Variants in LINC00632 observed in about 807,000 individuals in gnomAD.
LINC00632 encodes the protein long independently transcribed non-coding RNA 632.
chrX:140,764,677 T>A (rs1178555274), intron 3 of LINC00632: 1 of 111,971 alleles, frequency 8.9e-6, no homozygotes, highest in Non-Finnish European at 1.9e-5. Context: ...GGAGATTGCG[T>A]GGCTCGGAGC....
At chrX:140,710,906 G>T (rs763700003) in intron 1 of LINC00632, among the ~76,000 whole-genome samples, 1 of 111,214 alleles carries the variant, frequency 9.0e-6, no homozygotes, top group South Asian at 3.9e-4. Flanking sequence ...AAGGGAGGGG[G>T]TGTTGAACAG....
At chrX:140,783,992 T>G (rs1931977497) in exon 5 of LINC00632, 2 of 1,211,641 alleles carry the variant, frequency 1.7e-6, no homozygotes, top group African/African-American at 3.5e-5. Flanking sequence ...TATCCATGTC[T>G]TCCAGAAAAT....
At chrX:140,762,307 ACT>A (rs1931614377) in intron 3 of LINC00632, among the ~76,000 whole-genome samples, 1 of 108,794 alleles carries the variant, frequency 9.2e-6, no homozygotes, top group Non-Finnish European at 1.9e-5. Context: ...TTGGCTTAGG[ACT>A]CTAGAAACCA....
chrX:140,710,949 C>G (rs931671316), intron 1 of LINC00632, among the ~76,000 whole-genome samples: 2 of 111,148 alleles, frequency 1.8e-5, no homozygotes, highest in Non-Finnish European at 3.8e-5. Flanking sequence ...CTGACGCATC[C>G]AGGGACATGT....
intron 3 of LINC00632, among the ~76,000 whole-genome samples, chrX:140,741,653 G>T (rs1194125503): frequency 8.9e-6 from 1 of 111,900 alleles, no homozygotes; most frequent in Admixed American, 9.5e-5. Context: ...GCCATTACCT[G>T]AGTAAGGAAA....
chrX:140,784,481 C>T, exon 5 of LINC00632: 3 of 891,339 alleles, frequency 3.4e-6, no homozygotes, highest in African/African-American at 2.0e-5. Flanking sequence ...CCAGGGCTTC[C>T]AGCATCTGCT....
At chrX:140,774,729 ATATT>A (rs1379446288) in exon 5 of LINC00632, among the ~76,000 whole-genome samples, 1 of 111,740 alleles carries the variant, frequency 8.9e-6, no homozygotes, top group Non-Finnish European at 1.9e-5. Context: ...AATATCAATG[ATATT>A]TATTTTATTG....
Position 140,759,332 on chromosome X carries a change from CCTTCCTTCCTTCCTTTCTTT to C in LINC00632, n.192-12742_192-12723del, listed in dbSNP as rs1290538750. The stretch of plus-strand genomic sequence containing the variant: ...TCCTTCCTTCCTTCCTTCCTTCCTT[CCTTCCTTCCTTCCTTTCTTT>C]CTTTCTTTCTTTCTTTTTAAAAGAG... On this transcript the variant is annotated intron_variant and non_coding_transcript_variant, in intron 3 of 4. Transcript: ENST00000648200. Among the ~76,000 whole-genome samples, 300 of 54,249 alleles carry C rather than the reference CCTTCCTTCCTTCCTTTCTTT, an allele frequency of 5.5e-3. 1 individual carries two copies. Among genetic ancestry groups the C allele is most frequent in the African/African-American group, 0.01 (200 of 19,060 alleles). 47.1% of individuals were successfully genotyped at this position (54,249 alleles called of 115,157 possible).
At chrX:140,771,612 T>C (rs10559704) in intron 3 of LINC00632, among the ~76,000 whole-genome samples, 43 of 79,720 alleles carry the variant, frequency 5.4e-4, no homozygotes, top group East Asian at 1.2e-3. Flanking sequence ...TTGGCATATA[T>C]ACACACACAC....
chrX:140,785,549 T>C (rs112386406), exon 5 of LINC00632, among the ~76,000 whole-genome samples: 1,694 of 112,444 alleles, frequency 0.015, 29 homozygotes, highest in African/African-American at 0.052. Flanking sequence ...TAGAATATTA[T>C]ACAATCCCGT....
intron 3 of LINC00632, among the ~76,000 whole-genome samples, chrX:140,767,769 G>A (rs1931717271): frequency 8.9e-6 from 1 of 111,787 alleles, no homozygotes; most frequent in Admixed American, 9.5e-5. Flanking sequence ...TGTGGTTATG[G>A]AGGATGAGAA....
intron 3 of LINC00632, among the ~76,000 whole-genome samples, chrX:140,742,870 AGAGAGAG>A (rs1270291737): frequency 1.4e-3 from 138 of 95,552 alleles, no homozygotes; most frequent in African/African-American, 5.0e-3. Flanking sequence ...AGAGAGAGAG[AGAGAGAG>A]AGGAAGGAAG....
intron 2 of LINC00632, among the ~76,000 whole-genome samples, chrX:140,730,892 A>ATTTC (rs1216230906): frequency 9.1e-6 from 1 of 109,564 alleles, no homozygotes; most frequent in Non-Finnish European, 1.9e-5. Flanking sequence ...AAGTGACTTC[A>ATTTC]TTTCTTTCTT....
intron 3 of LINC00632, among the ~76,000 whole-genome samples, chrX:140,769,616 C>T (rs1931756156): frequency 9.0e-6 from 1 of 111,324 alleles, no homozygotes; most frequent in Non-Finnish European, 1.9e-5. Context: ...ATCAAGACAG[C>T]TAAACAACTC....
intron 2 of LINC00632, among the ~76,000 whole-genome samples, chrX:140,720,407 C>T (rs916282352): frequency 1.8e-4 from 20 of 111,433 alleles, no homozygotes; most frequent in African/African-American, 6.5e-4. Flanking sequence ...AATGACCCCC[C>T]AGAAACCAGA....
At chrX:140,762,209 A>AAGAGAGAGAGAGAGAGAGAGAGAGAG in intron 3 of LINC00632, among the ~76,000 whole-genome samples, 1 of 67,137 alleles carries the variant, frequency 1.5e-5, no homozygotes, top group African/African-American at 5.2e-5. Context: ...GTTTTTCGAA[A>AAGAGAGAGAGAGAGAGAGAGAGAGAG]AGAGAGAGAG....
chrX:140,770,551 A>G (rs1021450142), intron 3 of LINC00632, among the ~76,000 whole-genome samples: 1 of 111,984 alleles, frequency 8.9e-6, no homozygotes, highest in Non-Finnish European at 1.9e-5. Context: ...CAACAACATA[A>G]AAATTGTTAA....
chrX:140,776,686 G>C (rs1475994334), exon 5 of LINC00632, among the ~76,000 whole-genome samples: 2 of 111,954 alleles, frequency 1.8e-5, no homozygotes, highest in Non-Finnish European at 3.8e-5. Flanking sequence ...TTTTTACACT[G>C]TCGGTGGGAG....
chrX:140,759,510 C>T (rs1300887149), intron 3 of LINC00632, among the ~76,000 whole-genome samples: 1 of 109,243 alleles, frequency 9.2e-6, no homozygotes, highest in Non-Finnish European at 1.9e-5. Flanking sequence ...GCACGCAGCA[C>T]CATGCCTAGC....
Sources: allele counts gnomAD v4.1 joint callset (sites outside exome capture counted in the v4.1 genomes callset), GRCh38; gene constraint gnomAD v4.1.1; transcripts MANE v1.5; gene names NCBI Gene and HGNC (gene_info 2026-07-23, HGNC 2026-07-21).